The following TMEM117 variants were observed in gnomAD, a reference collection of about 807,000 sequenced individuals.
TMEM117 encodes transmembrane protein 117.
In TMEM117, 27 loss-of-function variants were observed where a neutral mutation model predicts 52.4. That is an observed-to-expected ratio of 0.51 (90% CI 0.38 to 0.71). The LOEUF (loss-of-function observed/expected upper bound fraction) is 0.71. TMEM117 is among the 30% of genes least tolerant of loss of function. The pLI is 0.00. For missense variants in TMEM117, 556 were observed against 630.5 expected (o/e 0.88, Z 1.26); for synonymous variants, 215 against 206.3 (o/e 1.04, Z -0.36).
At chr12:43,899,820 G>A (rs1202310356) in intron 2 of TMEM117, among the ~76,000 whole-genome samples, 1 of 152,056 alleles carries the variant, frequency 6.6e-6, no homozygotes, top group East Asian at 1.9e-4. Context: ...GAAAGAAGAT[G>A]AGCTTTGGAA....
Position 44,312,629 on chromosome 12 carries a change from C to G in TMEM117, c.768+12890C>G, listed in dbSNP as rs899633446. 7.2e-5 allele frequency among the ~76,000 whole-genome samples: 11 copies of G among 152,204 alleles called. No homozygotes were observed. The South Asian group carries it at 8.3e-4, about 11-fold the overall frequency. ...ATTTATTTTTTATTGAGTATATACC[C>G]AGTGATATGATTGCTGAGTTGAATG... On this transcript the variant is annotated intron_variant, in intron 6 of 7. Transcript: ENST00000266534.
intron 5 of TMEM117, among the ~76,000 whole-genome samples, chr12:44,271,030 G>A (rs1419984213): frequency 6.6e-6 from 1 of 152,030 alleles, no homozygotes; most frequent in Non-Finnish European, 1.5e-5. Flanking sequence ...ACTTGACCAT[G>A]GTGGATCATA....
At chr12:43,929,221 C>T (rs1415489259) in intron 2 of TMEM117, among the ~76,000 whole-genome samples, 1 of 152,028 alleles carries the variant, frequency 6.6e-6, no homozygotes, top group Non-Finnish European at 1.5e-5. Flanking sequence ...ACAGTGTAAA[C>T]CATGCTAGTT....
At chr12:43,899,759 T>A (rs890021304) in intron 2 of TMEM117, among the ~76,000 whole-genome samples, 1 of 152,238 alleles carries the variant, frequency 6.6e-6, no homozygotes, top group Non-Finnish European at 1.5e-5. Flanking sequence ...ACATTCTCTT[T>A]AATTGTCCTC....
intron 3 of TMEM117, among the ~76,000 whole-genome samples, chr12:43,971,909 C>T (rs1348978956): frequency 6.6e-6 from 1 of 152,158 alleles, no homozygotes; most frequent in Non-Finnish European, 1.5e-5. Context: ...CTTCTCAGTT[C>T]CCCATCCCTC....
At chr12:44,089,610 G>T (rs957998840) in intron 3 of TMEM117, among the ~76,000 whole-genome samples, 1 of 152,074 alleles carries the variant, frequency 6.6e-6, no homozygotes, top group Non-Finnish European at 1.5e-5. Context: ...CTCTCTCAGC[G>T]TAAGAGAGTC....
chr12:43,825,845 C>T, the TMEM117 span, among the ~76,000 whole-genome samples: 5 of 152,176 alleles, frequency 3.3e-5, no homozygotes, highest in African/African-American at 1.2e-4. Context: ...CACAGATGGT[C>T]TGGAGACCAC....
intron 6 of TMEM117, among the ~76,000 whole-genome samples, chr12:44,330,538 T>C (rs534655448): frequency 4.6e-5 from 7 of 152,096 alleles, no homozygotes; most frequent in Admixed American, 3.3e-4. Flanking sequence ...ATTGATGAGA[T>C]ATTTTACATT....
At chr12:44,192,830 T>A (rs535891612) in intron 4 of TMEM117, among the ~76,000 whole-genome samples, 1 of 152,312 alleles carries the variant, frequency 6.6e-6, no homozygotes, top group South Asian at 2.1e-4. Context: ...CTGGTTATAT[T>A]TTCCTGTTCT....
chr12:43,800,665 C>T, the TMEM117 span: 2 of 614,830 alleles, frequency 3.3e-6, no homozygotes, highest in Non-Finnish European at 5.7e-6. Context: ...CTATAATATG[C>T]TAAAATACGT....
At chr12:43,859,334 C>G (rs567973484) in intron 2 of TMEM117, among the ~76,000 whole-genome samples, 13 of 152,056 alleles carry the variant, frequency 8.5e-5, no homozygotes, top group Non-Finnish European at 1.8e-4. Context: ...GTTTCTGGAT[C>G]AGTAGTTTTG....
At chr12:44,077,118 C>T (rs572211702) in intron 3 of TMEM117, among the ~76,000 whole-genome samples, 31 of 152,278 alleles carry the variant, frequency 2.0e-4, no homozygotes, top group African/African-American at 4.8e-4. Context: ...AAAATACCCA[C>T]GCAGGCTTAG....
At chr12:44,295,489 A>G (rs1950756649) in intron 5 of TMEM117, among the ~76,000 whole-genome samples, 1 of 152,168 alleles carries the variant, frequency 6.6e-6, no homozygotes, top group African/African-American at 2.4e-5. Flanking sequence ...GATTACGGGC[A>G]TAAGCCACTA....
chr12:44,046,641 GTCA>G (rs1202034668), intron 3 of TMEM117, among the ~76,000 whole-genome samples: 2 of 152,212 alleles, frequency 1.3e-5, no homozygotes, highest in Admixed American at 6.5e-5. Flanking sequence ...GAAGAAGGTA[GTCA>G]TCAATACCAG....
At chr12:44,019,888 A>T (rs1370389966) in intron 3 of TMEM117, among the ~76,000 whole-genome samples, 1 of 152,214 alleles carries the variant, frequency 6.6e-6, no homozygotes, top group Non-Finnish European at 1.5e-5. Flanking sequence ...CACATATGAC[A>T]ATCCCCAATT....
chr12:44,075,581 A>G (rs991220591), intron 3 of TMEM117, among the ~76,000 whole-genome samples: 1 of 152,120 alleles, frequency 6.6e-6, no homozygotes, highest in Non-Finnish European at 1.5e-5. Flanking sequence ...TATTTTCTTC[A>G]TCTTTGTGTA....
At chr12:44,039,300 T>C (rs10161163) in intron 3 of TMEM117, among the ~76,000 whole-genome samples, 5,445 of 151,820 alleles carry the variant, frequency 0.036, 206 homozygotes, top group African/African-American at 0.092. Context: ...TTCTGGGCTC[T>C]GTACTCCTGC....
chr12:44,286,682 G>T (rs1410245000), intron 5 of TMEM117, among the ~76,000 whole-genome samples: 1 of 152,290 alleles, frequency 6.6e-6, no homozygotes, highest in Admixed American at 6.5e-5. Context: ...GAATAAAGGA[G>T]CAGTTAAGAC....
chr12:44,186,700 A>G (rs1324594472), intron 4 of TMEM117, among the ~76,000 whole-genome samples: 2 of 152,160 alleles, frequency 1.3e-5, no homozygotes, highest in Admixed American at 6.5e-5. Context: ...TACTGTGTCT[A>G]ATATTAGGAC....
Sources: gnomAD v4.1 joint callset for allele counts (sites outside exome capture counted in the v4.1 genomes callset) on GRCh38, gnomAD v4.1.1 for gene constraint, MANE v1.5 for transcripts, NCBI Gene and HGNC (gene_info 2026-07-23, HGNC 2026-07-21) for gene names.